Variants in KIAA1958 observed in about 807,000 individuals in gnomAD.
KIAA1958 encodes KIAA1958, also known as uncharacterized protein KIAA1958.
A neutral mutation model predicts 47.2 loss-of-function variants in KIAA1958; 14 were observed. The ratio of observed to expected loss-of-function variants is 0.30; its 90% CI spans 0.20 to 0.46. The LOEUF (loss-of-function observed/expected upper bound fraction) is 0.46, where lower values mean the gene tolerates loss of function less well. Ranked by LOEUF, KIAA1958 falls within the 20% of genes least tolerant of loss-of-function variation. KIAA1958 has a pLI of 1.00. For synonymous variants in KIAA1958, 354 were observed against 353.3 expected, an observed-to-expected ratio of 1.00 and a Z score of -0.02; for missense variants, 803 against 909.2, an observed-to-expected ratio of 0.88 and a Z score of 1.50.
intron 3 of KIAA1958, among the ~76,000 whole-genome samples, chr9:112,653,490 G>C (rs1837095098): frequency 6.6e-6 from 1 of 152,034 alleles, no homozygotes; most frequent in African/African-American, 2.4e-5. Flanking sequence ...TCTCACTTGG[G>C]GTACTCATAT....
rs1313744473 is a variant in KIAA1958, at chr9:112,662,042, G to A, written c.*1973G>A. The A allele has an allele frequency of 2.0e-5, 3 of 152,256 alleles. No homozygotes were observed. The highest frequency in any genetic ancestry group is 3.9e-4 in the East Asian group (2 of 5,184). The allele number at this position is 152,256 out of a possible 1,614,324, so 9.4% of individuals were successfully genotyped here. A position where few individuals can be genotyped will look rare whatever the true frequency, so the allele number is the denominator to read the frequency against. On this transcript the variant is annotated 3_prime_UTR_variant, in exon 4 of 4. Transcript: ENST00000337530. ...AGATTCAAGTAGAAATTGCCGTTAG[G>A]AATCACTGGGATCTTTTCGGATTTT...
intron 1 of KIAA1958, among the ~76,000 whole-genome samples, chr9:112,509,180 G>C (rs1267903388): frequency 6.7e-6 from 1 of 148,604 alleles, no homozygotes; most frequent in Non-Finnish European, 1.5e-5. Context: ...ATCGTTGTAA[G>C]AAGGCAAGCC....
intron 1 of KIAA1958, among the ~76,000 whole-genome samples, chr9:112,561,631 T>C (rs896173238): frequency 6.6e-6 from 1 of 151,988 alleles, no homozygotes; most frequent in East Asian, 1.9e-4. Context: ...GAGGCGGGCA[T>C]ATCACCTGAG....
At chr9:112,537,330 C>A (rs1415484348) in intron 1 of KIAA1958, among the ~76,000 whole-genome samples, 1 of 152,136 alleles carries the variant, frequency 6.6e-6, no homozygotes, top group Non-Finnish European at 1.5e-5. Flanking sequence ...TGGTTTTGAA[C>A]TCCTGAGCTC....
rs1837323353 is a variant in KIAA1958 at position 112,664,337 on chromosome 9, A to G, written c.*4268A>G. On this transcript the variant is annotated 3_prime_UTR_variant, in exon 4 of 4. Coordinates refer to ENST00000337530, the MANE Select transcript of KIAA1958 (RefSeq NM_133465.4). ...GTCCACACCATTACCACTTAAATAA[A>G]GTAACCGAATGCTAAATATTATCCT... 1 of 152,262 alleles carries G rather than the reference A, an allele frequency of 6.6e-6. No individual in the cohort carries two copies. The highest frequency in any genetic ancestry group is 1.5e-5 in the Non-Finnish European group (1 of 68,042). 9.4% of individuals were successfully genotyped at this position (152,262 alleles called of 1,614,324 possible).
At chr9:112,532,000 C>A (rs142910974) in intron 1 of KIAA1958, among the ~76,000 whole-genome samples, 1 of 152,170 alleles carries the variant, frequency 6.6e-6, no homozygotes, top group Non-Finnish European at 1.5e-5. Flanking sequence ...TTTGAGGGAC[C>A]GCTTCACATT....
chr9:112,610,067 GGAAAT>G (rs1836298411), intron 2 of KIAA1958, among the ~76,000 whole-genome samples: 1 of 151,794 alleles, frequency 6.6e-6, no homozygotes, highest in African/African-American at 2.4e-5. Flanking sequence ...AACAAAATTA[GGAAAT>G]GAAATGAACC....
intron 2 of KIAA1958, among the ~76,000 whole-genome samples, chr9:112,633,150 A>C (rs570508442): frequency 3.8e-4 from 57 of 151,700 alleles, no homozygotes; most frequent in Non-Finnish European, 6.3e-4. Context: ...TATTTCTTAC[A>C]AATACTAACT....
intron 1 of KIAA1958, among the ~76,000 whole-genome samples, chr9:112,547,521 A>G (rs936064558): frequency 6.6e-6 from 1 of 152,018 alleles, no homozygotes; most frequent in Non-Finnish European, 1.5e-5. Context: ...ATGCTTCATT[A>G]TACCCTCCTT....
chr9:112,578,860 A>T (rs570969986), intron 2 of KIAA1958, among the ~76,000 whole-genome samples: 1 of 152,044 alleles, frequency 6.6e-6, no homozygotes, highest in African/African-American at 2.4e-5. Flanking sequence ...CTATCGCATC[A>T]TGAGTTAGGG....
chr9:112,552,765 G>C (rs927351765), intron 1 of KIAA1958, among the ~76,000 whole-genome samples: 1 of 152,174 alleles, frequency 6.6e-6, no homozygotes, highest in African/African-American at 2.4e-5. Context: ...GGAAGCGAGA[G>C]GGAGGAGATA....
At chr9:112,642,320 G>C (rs1389805152) in intron 2 of KIAA1958, among the ~76,000 whole-genome samples, 1 of 152,262 alleles carries the variant, frequency 6.6e-6, no homozygotes. Flanking sequence ...AACTGTCCCA[G>C]TGATAGACAC....
At chr9:112,540,389 C>T (rs1834921308) in intron 1 of KIAA1958, among the ~76,000 whole-genome samples, 1 of 152,120 alleles carries the variant, frequency 6.6e-6, no homozygotes, top group Admixed American at 6.5e-5. Flanking sequence ...TGTATGCACA[C>T]ATATAGATGG....
chr9:112,567,954 C>A (rs1835454549), intron 1 of KIAA1958, among the ~76,000 whole-genome samples: 1 of 88,086 alleles, frequency 1.1e-5, no homozygotes, highest in Non-Finnish European at 2.1e-5. Flanking sequence ...AGCGAGAATC[C>A]ATCTCAAAAA....
At chr9:112,647,460 C>T (rs535488615) in intron 3 of KIAA1958, among the ~76,000 whole-genome samples, 11 of 150,400 alleles carry the variant, frequency 7.3e-5, no homozygotes, top group Admixed American at 6.0e-4. Context: ...TTAAAAAAAA[C>T]AAAAAACAAA....
intron 1 of KIAA1958, among the ~76,000 whole-genome samples, chr9:112,511,371 G>A (rs1168532802): frequency 6.6e-6 from 1 of 152,190 alleles, no homozygotes; most frequent in Non-Finnish European, 1.5e-5. Context: ...AGGGAGATGA[G>A]TATAATGCAC....
In KIAA1958 at chr9:112,659,947, T is replaced by C. The variant is rs866176594; in HGVS notation, c.2029T>C (p.Ser677Pro). The C allele has an allele frequency of 1.2e-6, 2 of 1,614,198 alleles. No homozygotes were observed. The highest frequency in any genetic ancestry group is 1.1e-5 in the South Asian group (1 of 91,082). ...WYEEQRMGLR[S>P]LRGIVPNLAK... ...TGAGGAGCAGAGGATGGGGCTGCGCTCTCTTCGGGGAATTGTCCCAAACTT... is the reference window on the plus strand; with the variant it reads ...TGAGGAGCAGAGGATGGGGCTGCGCCCTCTTCGGGGAATTGTCCCAAACTT... Residue 677 changes from serine (S) to proline (P), a missense_variant, in exon 4 of 4, where the codon TCT (serine) becomes CCT (proline). Ser to Pro is a moderately conservative substitution (Grantham distance 74). Coordinates refer to ENST00000337530, the MANE Select transcript of KIAA1958 (RefSeq NM_133465.4).
intron 1 of KIAA1958, among the ~76,000 whole-genome samples, chr9:112,564,211 G>A (rs1176183555): frequency 6.6e-6 from 1 of 152,170 alleles, no homozygotes. Context: ...TAATTTTTGT[G>A]TTATTTCTTC....
intron 3 of KIAA1958, among the ~76,000 whole-genome samples, chr9:112,646,280 T>C (rs1024345497): frequency 6.6e-6 from 1 of 152,202 alleles, no homozygotes; most frequent in Non-Finnish European, 1.5e-5. Flanking sequence ...GGCTAAAATC[T>C]TGTGAACACT....
Sources: allele counts gnomAD v4.1 joint callset (sites outside exome capture counted in the v4.1 genomes callset), GRCh38; gene constraint gnomAD v4.1.1; transcripts MANE v1.5; gene names NCBI Gene and HGNC (gene_info 2026-07-23, HGNC 2026-07-21).